VBP1: variants seen among roughly 807,000 people sequenced by gnomAD.
VBP1 encodes VHL binding protein 1.
Under a neutral mutation model 15.5 loss-of-function variants are expected in VBP1, and 4 were observed. The ratio of observed to expected loss-of-function variants is 0.26; its 90% CI spans 0.13 to 0.59. The LOEUF is 0.59. VBP1 is among the 20% of genes least tolerant of loss of function. The pLI, the probability that VBP1 is intolerant of heterozygous loss-of-function variation, is 0.90. For missense variants in VBP1, 108 were observed against 139.6 expected (o/e 0.77, Z 1.14); for synonymous variants, 61 against 52.1 (o/e 1.17, Z -0.74).
upstream of VBP1, among the ~76,000 whole-genome samples, chrX:155,211,940 A>G (rs2074646529): frequency 8.9e-6 from 1 of 112,001 alleles, no homozygotes; most frequent in African/African-American, 3.3e-5. Flanking sequence ...CAGTAGCTGA[A>G]ATTTATTGAG....
upstream of VBP1, among the ~76,000 whole-genome samples, chrX:155,214,753 TTTTTTTTTCTTTTCC>T (rs2074656293): frequency 1.1e-5 from 1 of 90,419 alleles, no homozygotes; most frequent in Admixed American, 1.2e-4. Flanking sequence ...GGAAGGTTTT[TTTTTTTTTCTTTTCC>T]TTTTTTTTTT....
At chrX:155,221,359 G>A (rs2074688768) in intron 2 of VBP1, among the ~76,000 whole-genome samples, 1 of 110,125 alleles carries the variant, frequency 9.1e-6, no homozygotes, top group Admixed American at 9.7e-5. Context: ...TAATTAGCTG[G>A]GTATGGTGGC....
chrX:155,231,107 TG>T (rs1173068903), intron 4 of VBP1, among the ~76,000 whole-genome samples: 1 of 112,298 alleles, frequency 8.9e-6, no homozygotes, highest in Non-Finnish European at 1.9e-5. Flanking sequence ...GCCAGAGTAG[TG>T]CTTTTAAAAC....
chrX:155,232,516 T>C (rs1557311031), intron 4 of VBP1, among the ~76,000 whole-genome samples: 4 of 112,270 alleles, frequency 3.6e-5, no homozygotes, highest in Admixed American at 2.8e-4. Flanking sequence ...AAGCAACTCC[T>C]CAGGATAATG....
intron 1 of VBP1, chrX:155,197,274 C>A (rs2074581828): frequency 9.0e-6 from 1 of 111,552 alleles, no homozygotes; most frequent in African/African-American, 3.3e-5. Context: ...GTTTTCCAAG[C>A]AAATTCCTGT....
At chrX:155,225,488 CTG>C (rs1468883085) in intron 2 of VBP1, among the ~76,000 whole-genome samples, 1 of 112,354 alleles carries the variant, frequency 8.9e-6, no homozygotes, top group African/African-American at 3.2e-5. Flanking sequence ...GCGTGAATCA[CTG>C]TGCCCAGCCA....
intron 2 of VBP1, among the ~76,000 whole-genome samples, chrX:155,224,604 G>A (rs1203618438): frequency 8.9e-6 from 1 of 111,939 alleles, no homozygotes; most frequent in Non-Finnish European, 1.9e-5. Context: ...AAGAGGGCGA[G>A]GGCGAGGGTG....
upstream of VBP1, among the ~76,000 whole-genome samples, chrX:155,213,212 AG>A (rs1435913045): frequency 8.9e-6 from 1 of 111,950 alleles, no homozygotes; most frequent in Non-Finnish European, 1.9e-5. Flanking sequence ...CTGAATCAGA[AG>A]GTCGAGCAGA....
chrX:155,202,302 C>G (rs1472830848), intron 1 of VBP1, among the ~76,000 whole-genome samples: 1 of 111,559 alleles, frequency 9.0e-6, no homozygotes, highest in Non-Finnish European at 1.9e-5. Flanking sequence ...ATTGCCAAGT[C>G]AATCCTAAGC....
intron 2 of VBP1, among the ~76,000 whole-genome samples, chrX:155,226,546 A>T (rs966388352): frequency 2.8e-4 from 31 of 112,264 alleles, no homozygotes; most frequent in Admixed American, 9.4e-5. Context: ...TAAAAGAATC[A>T]CTAAATTATA....
intron 1 of VBP1, among the ~76,000 whole-genome samples, chrX:155,205,983 T>C (rs1190938066): frequency 2.7e-5 from 3 of 112,330 alleles, no homozygotes; most frequent in African/African-American, 9.7e-5. Flanking sequence ...TGTCCTTGTC[T>C]TACTTAGTCC....
chrX:155,205,237 C>T (rs1251462311), intron 1 of VBP1, among the ~76,000 whole-genome samples: 2 of 112,075 alleles, frequency 1.8e-5, no homozygotes, highest in African/African-American at 6.5e-5. Flanking sequence ...CCAATTAGCT[C>T]ATGTTGTTTT....
Position 155,239,041 on chromosome X carries a change from C to T in VBP1, c.*199C>T, listed in dbSNP as rs1042282694. The T allele has an allele frequency of 3.2e-6, 1 of 316,205 alleles. No individual in the cohort carries two copies. The highest frequency in any genetic ancestry group is 5.4e-6 in the Non-Finnish European group (1 of 186,059). The allele number at this position is 316,205 out of a possible 1,213,427, so 26.1% of individuals were successfully genotyped here. A position where few individuals can be genotyped will look rare whatever the true frequency, so the allele number is the denominator to read the frequency against. On this transcript the variant is annotated 3_prime_UTR_variant, in exon 6 of 6. Coordinates refer to ENST00000286428, the MANE Select transcript of VBP1 (RefSeq NM_003372.7). ...TGATTTTTTTTTCCACATTTCTCAG[C>T]AAAGCTAATGGTATTTTAATCATTA...
chrX:155,225,686 C>CA (rs1182619347), intron 2 of VBP1, among the ~76,000 whole-genome samples: 1 of 111,892 alleles, frequency 8.9e-6, no homozygotes, highest in Non-Finnish European at 1.9e-5. Flanking sequence ...ATTTACATGA[C>CA]AAAAAATCTT....
chrX:155,203,202 C>T (rs1334795324), intron 1 of VBP1, among the ~76,000 whole-genome samples: 6 of 111,124 alleles, frequency 5.4e-5, no homozygotes, highest in Non-Finnish European at 7.6e-5. Context: ...GTCAGTGTGG[C>T]GATTCCTCAG....
intron 2 of VBP1, 35 bp downstream of exon 2, chrX:155,220,342 A>G: frequency 1.8e-6 from 2 of 1,088,093 alleles, no homozygotes; most frequent in Middle Eastern, 3.3e-4. Context: ...TGAAAATCTT[A>G]TATGACTTGA....
At chrX:155,197,942 G>A (rs996788712) in intron 1 of VBP1, among the ~76,000 whole-genome samples, 3 of 112,346 alleles carry the variant, frequency 2.7e-5, no homozygotes, top group African/African-American at 6.4e-5. Flanking sequence ...AAAAAACGGC[G>A]CACCAGGAGA....
At chrX:155,216,878 G>A (rs2074667562) in intron 1 of VBP1, among the ~76,000 whole-genome samples, 1 of 112,389 alleles carries the variant, frequency 8.9e-6, no homozygotes, top group African/African-American at 3.2e-5. Flanking sequence ...GGCTGCCGCC[G>A]GTTTTCGTCC....
At chrX:155,227,782 T>C (rs1317771360) in intron 3 of VBP1, among the ~76,000 whole-genome samples, 7 of 112,330 alleles carry the variant, frequency 6.2e-5, no homozygotes, top group Non-Finnish European at 1.3e-4. Context: ...AGTTAGTTAC[T>C]GGCAGAACTA....
Sources: gnomAD v4.1 joint callset for allele counts (sites outside exome capture counted in the v4.1 genomes callset) on GRCh38, gnomAD v4.1.1 for gene constraint, MANE v1.5 for transcripts, NCBI Gene and HGNC (gene_info 2026-07-23, HGNC 2026-07-21) for gene names.